CHODL: variants seen among roughly 807,000 people sequenced by gnomAD.
CHODL encodes the protein chondrolectin.
CHODL carries 29 observed loss-of-function variants against 34.5 expected under a neutral mutation model. The ratio of observed to expected loss-of-function variants is 0.84; its 90% CI spans 0.63 to 1.15. CHODL has a LOEUF of 1.15. CHODL is among the 50% of genes most tolerant of loss of function. The pLI, the probability that CHODL is intolerant of heterozygous loss-of-function variation, is 0.00. For synonymous variants in CHODL, 125 were observed against 116.1 expected (o/e 1.08, Z -0.49); for missense variants, 332 against 332.5 (o/e 1.00, Z 0.01).
At chr21:18,143,847 A>G (rs943110684) in intron 2 of CHODL, among the ~76,000 whole-genome samples, 6 of 152,134 alleles carry the variant, frequency 3.9e-5, no homozygotes, top group African/African-American at 1.4e-4. Flanking sequence ...CTGAAAATTA[A>G]TTAGGCTATC....
At chr21:18,138,315 A>G (rs1221032460) in intron 2 of CHODL, among the ~76,000 whole-genome samples, 1 of 152,156 alleles carries the variant, frequency 6.6e-6, no homozygotes, top group Non-Finnish European at 1.5e-5. Flanking sequence ...ACTTAAAAAT[A>G]TGGAATCTTA....
At chr21:18,129,137 A>T (rs1186177345) in intron 2 of CHODL, among the ~76,000 whole-genome samples, 1 of 152,146 alleles carries the variant, frequency 6.6e-6, no homozygotes. Flanking sequence ...TCTATTAAAA[A>T]GAGTTTAATG....
chr21:17,973,893 C>A (rs2063639869), intron 1 of CHODL, among the ~76,000 whole-genome samples: 1 of 151,936 alleles, frequency 6.6e-6, no homozygotes, highest in Non-Finnish European at 1.5e-5. Flanking sequence ...CTTCTCTTCC[C>A]CTTCCTCCTT....
intron 1 of CHODL, among the ~76,000 whole-genome samples, chr21:17,951,029 C>T (rs1298287301): frequency 4.0e-5 from 6 of 151,548 alleles, no homozygotes; most frequent in Non-Finnish European, 5.9e-5. Context: ...AACATACTTA[C>T]GTATAACTAT....
At chr21:17,984,978 C>T (rs197549) in intron 1 of CHODL, among the ~76,000 whole-genome samples, 85,498 of 151,882 alleles carry the variant, frequency 0.56, 24,729 homozygotes, top group African/African-American at 0.69. Context: ...TATAACTTCA[C>T]AATACATCTT....
chr21:18,135,095 C>A (rs952093910), intron 2 of CHODL, among the ~76,000 whole-genome samples: 2 of 152,280 alleles, frequency 1.3e-5, no homozygotes, highest in Admixed American at 6.5e-5. Flanking sequence ...ACTACACTTA[C>A]CGTAAGTAAA....
chr21:18,021,822 C>T (rs895103870), intron 1 of CHODL, among the ~76,000 whole-genome samples: 1 of 146,276 alleles, frequency 6.8e-6, no homozygotes, highest in Non-Finnish European at 1.5e-5. Flanking sequence ...AAAGAGAACC[C>T]AAGTCATTCC....
chr21:18,172,283 G>A (rs1362138596), intron 2 of CHODL, among the ~76,000 whole-genome samples: 3 of 152,170 alleles, frequency 2.0e-5, no homozygotes, highest in Admixed American at 6.5e-5. Context: ...TTCACAGTGA[G>A]TGAGCTCTGA....
intron 2 of CHODL, among the ~76,000 whole-genome samples, chr21:18,225,289 C>T (rs1458156006): frequency 1.3e-5 from 2 of 152,054 alleles, no homozygotes; most frequent in African/African-American, 4.8e-5. Flanking sequence ...TGTAACCATT[C>T]TCAAAAAATA....
chr21:18,254,638 G>A (rs889853335), intron 1 of CHODL, among the ~76,000 whole-genome samples: 2 of 152,048 alleles, frequency 1.3e-5, no homozygotes, highest in African/African-American at 4.8e-5. Flanking sequence ...ACAATAGAAA[G>A]TCCATTGCTT....
At chr21:18,212,569 A>C (rs2073784807) in intron 2 of CHODL, among the ~76,000 whole-genome samples, 1 of 118,892 alleles carries the variant, frequency 8.4e-6, no homozygotes, top group Non-Finnish European at 1.7e-5. Context: ...AAACTACAAT[A>C]ATTAATAAAG....
At chr21:18,126,827 G>A (rs190828897) in intron 2 of CHODL, among the ~76,000 whole-genome samples, 5 of 152,168 alleles carry the variant, frequency 3.3e-5, no homozygotes, top group African/African-American at 4.8e-5. Context: ...ATGATGCTCC[G>A]GTGGGAAAAT....
intron 2 of CHODL, among the ~76,000 whole-genome samples, chr21:18,143,538 A>T (rs2146613813): frequency 6.6e-6 from 1 of 152,230 alleles, no homozygotes; most frequent in South Asian, 2.1e-4. Context: ...AGATGGTCTG[A>T]ATTTGAACCC....
intron 1 of CHODL, among the ~76,000 whole-genome samples, chr21:17,974,495 C>T (rs145297931): frequency 0.014 from 2,112 of 150,934 alleles, 40 homozygotes; most frequent in African/African-American, 0.047. Context: ...TAGTCTTGAA[C>T]TCCTGACCTC....
intron 1 of CHODL, among the ~76,000 whole-genome samples, chr21:17,978,442 G>A (rs1041982124): frequency 2.7e-5 from 4 of 150,922 alleles, no homozygotes; most frequent in Non-Finnish European, 5.9e-5. Context: ...AAAAAGGCCG[G>A]GCGCGGTGGC....
At chr21:18,066,656 C>T (rs1399990666) in intron 2 of CHODL, among the ~76,000 whole-genome samples, 1 of 152,120 alleles carries the variant, frequency 6.6e-6, no homozygotes, top group Non-Finnish European at 1.5e-5. Context: ...GGCCTGAATT[C>T]TCTTCCCCTC....
At chr21:18,208,481 C>G (rs534549877) in intron 2 of CHODL, among the ~76,000 whole-genome samples, 2 of 151,750 alleles carry the variant, frequency 1.3e-5, no homozygotes, top group Admixed American at 6.6e-5. Flanking sequence ...AGAATTGGTC[C>G]CTTATGTCTT....
rs984979780 is a variant in CHODL, at chr21:18,245,426, G to A, written c.79+124G>A. On this transcript the variant is annotated intron_variant, in intron 1 of 5. Transcript: ENST00000299295. ...GAAACCTGCATGGTGTAAGGACCCG[G>A]GAGGAGGCGGGGAGAAATTGATTGT... The A allele has an allele frequency of 1.0e-5, 7 of 696,832 alleles. No homozygotes were observed. The East Asian group carries it at 1.3e-4, about 13-fold the overall frequency. 43.2% of individuals were successfully genotyped at this position (696,832 alleles called of 1,614,324 possible). A position where few individuals can be genotyped will look rare whatever the true frequency, so the allele number is the denominator to read the frequency against.
chr21:18,166,483 G>C (rs1057109397), intron 2 of CHODL, among the ~76,000 whole-genome samples: 2 of 152,080 alleles, frequency 1.3e-5, no homozygotes, highest in Non-Finnish European at 2.9e-5. Context: ...AGTTGTATGA[G>C]GTATGAACAT....
Sources: allele counts gnomAD v4.1 joint callset (sites outside exome capture counted in the v4.1 genomes callset), GRCh38; gene constraint gnomAD v4.1.1; transcripts MANE v1.5; gene names NCBI Gene and HGNC (gene_info 2026-07-23, HGNC 2026-07-21).